Variants in ELP4 observed in about 807,000 individuals in gnomAD.
ELP4 encodes elongator acetyltransferase complex subunit 4.
A neutral mutation model predicts 48.9 loss-of-function variants in ELP4; 51 were observed. That is an observed-to-expected ratio of 1.04 (90% CI 0.83 to 1.32). The LOEUF (loss-of-function observed/expected upper bound fraction) is 1.32, where lower values mean the gene tolerates loss of function less well. Among genes scored for constraint, ELP4 ranks in the 40% most tolerant of loss-of-function variants. ELP4 has a pLI of 0.00. For missense variants in ELP4, 519 were observed against 514.6 expected (o/e 1.01, Z -0.08); for synonymous variants, 210 against 189.2 (o/e 1.11, Z -0.90).
At chr11:31,671,778 A>G (rs1945812658) in intron 9 of ELP4, among the ~76,000 whole-genome samples, 1 of 152,162 alleles carries the variant, frequency 6.6e-6, no homozygotes, top group South Asian at 2.1e-4. Context: ...GCAGCATCTC[A>G]AGGTAGAAAA....
intron 9 of ELP4, among the ~76,000 whole-genome samples, chr11:31,750,303 T>A (rs903663360): frequency 6.6e-6 from 1 of 152,202 alleles, no homozygotes; most frequent in Non-Finnish European, 1.5e-5. Context: ...TCAGTGTGGG[T>A]AGCATAGCTC....
intron 3 of ELP4, 120 bp downstream of exon 3, chr11:31,539,903 A>G: frequency 1.4e-6 from 1 of 720,100 alleles, no homozygotes; most frequent in Middle Eastern, 4.5e-4. Context: ...CATTAACGGA[A>G]CCATACATTT....
intron 9 of ELP4, among the ~76,000 whole-genome samples, chr11:31,655,595 A>G (rs1945416791): frequency 6.6e-6 from 1 of 151,970 alleles, no homozygotes; most frequent in Non-Finnish European, 1.5e-5. Flanking sequence ...TTTGGAGGCC[A>G]GCTTAGGTCC....
chr11:31,648,382 A>G (rs1945249580), intron 8 of ELP4: 1 of 151,478 alleles, frequency 6.6e-6, no homozygotes, highest in African/African-American at 2.4e-5. Flanking sequence ...ACCTTGATAT[A>G]AACACAGCAG....
At chr11:31,668,504 C>G (rs1357655067) in intron 9 of ELP4, among the ~76,000 whole-genome samples, 1 of 143,900 alleles carries the variant, frequency 6.9e-6, no homozygotes, top group Non-Finnish European at 1.5e-5. Flanking sequence ...TTTTTTTTTT[C>G]CCCAAGAGAC....
chr11:31,513,914 AAT>A lies in ELP4; in HGVS notation c.223+3910_223+3911del, dbSNP rs541321479. Among the ~76,000 whole-genome samples the A allele has an allele frequency of 1.2e-4, 18 of 152,300 alleles. No homozygotes were observed. The East Asian group carries it at 3.5e-3, about 29-fold the overall frequency. On this transcript the variant is annotated intron_variant, in intron 1 of 9. Transcript: ENST00000640961. ...TTTAAGAAAAAATGCCTATTTTTAA[AAT>A]ATGTGAAATCTTGATGAAATTAATT...
At chr11:31,611,596 A>T (rs1311324697) in intron 5 of ELP4, among the ~76,000 whole-genome samples, 1 of 152,204 alleles carries the variant, frequency 6.6e-6, no homozygotes, top group Admixed American at 6.5e-5. Context: ...CAATCTACTG[A>T]AGTAAGTAAA....
At chr11:31,653,874 G>A (rs1448346944) in intron 9 of ELP4, 7 of 151,482 alleles carry the variant, frequency 4.6e-5, no homozygotes, top group South Asian at 2.1e-4. Context: ...AATATCAAGC[G>A]ATCATTAACC....
chr11:31,551,094 A>G (rs1956842295), intron 3 of ELP4, among the ~76,000 whole-genome samples: 2 of 152,198 alleles, frequency 1.3e-5, no homozygotes, highest in South Asian at 2.1e-4. Context: ...TGATTTTGGC[A>G]TAGCAGTTTT....
intron 9 of ELP4, among the ~76,000 whole-genome samples, chr11:31,692,058 T>G (rs1946293629): frequency 6.6e-6 from 1 of 152,156 alleles, no homozygotes; most frequent in African/African-American, 2.4e-5. Context: ...AAAAGTGGTT[T>G]TCAAATTTTT....
intron 3 of ELP4, among the ~76,000 whole-genome samples, chr11:31,542,294 T>C (rs1313478744): frequency 6.6e-6 from 1 of 151,798 alleles, no homozygotes; most frequent in African/African-American, 2.4e-5. Flanking sequence ...CACAAGGAGG[T>C]CAAGGAAATT....
At chr11:31,687,864 GA>G (rs1946194444) in intron 9 of ELP4, among the ~76,000 whole-genome samples, 1 of 152,080 alleles carries the variant, frequency 6.6e-6, no homozygotes, top group Non-Finnish European at 1.5e-5. Context: ...AAGTTTAAAA[GA>G]ATCAGGGTTA....
At chr11:31,540,459 AT>A (rs1371972801) in intron 3 of ELP4, among the ~76,000 whole-genome samples, 1 of 152,278 alleles carries the variant, frequency 6.6e-6, no homozygotes, top group East Asian at 1.9e-4. Context: ...AGTATTTGCC[AT>A]TTTTACTGCA....
chr11:31,771,839 C>T (rs1017896807), intron 9 of ELP4, among the ~76,000 whole-genome samples: 7 of 152,186 alleles, frequency 4.6e-5, no homozygotes, highest in Admixed American at 6.5e-5. Flanking sequence ...TTTAGCCGGG[C>T]GTGGTGGCGG....
intron 9 of ELP4, chr11:31,663,694 T>A (rs1348774716): frequency 2.0e-5 from 3 of 152,036 alleles, no homozygotes; most frequent in African/African-American, 7.2e-5. Flanking sequence ...TGCATTTTTT[T>A]AATGTAGGAA....
intron 9 of ELP4, among the ~76,000 whole-genome samples, chr11:31,705,253 AG>A (rs1017560426): frequency 1.3e-5 from 2 of 152,118 alleles, no homozygotes; most frequent in African/African-American, 4.8e-5. Context: ...ACATGGTGAG[AG>A]GGCAAGAGCA....
intron 9 of ELP4, among the ~76,000 whole-genome samples, chr11:31,731,145 A>G (rs898272194): frequency 6.6e-6 from 1 of 152,214 alleles, no homozygotes; most frequent in Non-Finnish European, 1.5e-5. Context: ...TTACTTTGTC[A>G]AATGTGTAGA....
chr11:31,602,846 G>A (rs1267509784), intron 4 of ELP4, among the ~76,000 whole-genome samples: 1 of 151,884 alleles, frequency 6.6e-6, no homozygotes, highest in Non-Finnish European at 1.5e-5. Flanking sequence ...TTATGTAATA[G>A]TAGATCTGAA....
At chr11:31,740,406 A>G (rs1453115789) in intron 9 of ELP4, among the ~76,000 whole-genome samples, 1 of 152,244 alleles carries the variant, frequency 6.6e-6, no homozygotes, top group East Asian at 1.9e-4. Context: ...TTACATGCCA[A>G]AGATGTGAAA....
Sources: allele counts gnomAD v4.1 joint callset (sites outside exome capture counted in the v4.1 genomes callset), GRCh38; gene constraint gnomAD v4.1.1; transcripts MANE v1.5; gene names NCBI Gene and HGNC (gene_info 2026-07-23, HGNC 2026-07-21).